The following NRL variants were observed in gnomAD, a reference collection of about 807,000 sequenced individuals.
The protein encoded by NRL is neural retina-specific leucine zipper protein.
In NRL, 16 loss-of-function variants were observed where a neutral mutation model predicts 12.5. The observed-to-expected ratio is 1.28, with a 90% CI of 0.87 to 1.95. The LOEUF is 1.95. Among genes scored for constraint, NRL ranks in the 30% most tolerant of loss-of-function variants. The pLI is 0.00. For synonymous variants in NRL, 142 were observed against 150.9 expected (o/e 0.94, Z 0.43); for missense variants, 314 against 325.8 (o/e 0.96, Z 0.28).
At chr14:24,113,578 G>C (rs970167217) in intron 1 of NRL, among the ~76,000 whole-genome samples, 3 of 152,214 alleles carry the variant, frequency 2.0e-5, no homozygotes, top group Non-Finnish European at 4.4e-5. Flanking sequence ...CAGTGGAGCC[G>C]AGTGCAAGAT....
rs910569251 is a variant in NRL, at chr14:24,105,006, G to A, written c.-28+9716C>T. Among the ~76,000 whole-genome samples the A allele has an allele frequency of 2.6e-5, 4 of 152,174 alleles. No homozygotes were observed. The South Asian group carries it at 8.3e-4, about 32-fold the overall frequency. Reference sequence around the variant, plus strand: ...CACAGAAATATAGAGGTGTGGAGTGGGAAATCAGGGGTCTCACAGCCTTCA... The same window carrying A: ...CACAGAAATATAGAGGTGTGGAGTGAGAAATCAGGGGTCTCACAGCCTTCA... On this transcript the variant is annotated intron_variant, in intron 1 of 2. Coordinates refer to ENST00000561028, the MANE Select transcript of NRL (RefSeq NM_001354768.3).
Position 24,094,658 on chromosome 14 carries a change from C to G in NRL, c.-27-11783G>C. 2.0e-6 allele frequency: 3 copies of G among 1,504,250 alleles called. No individual in the cohort carries two copies. Among genetic ancestry groups the G allele is most frequent in the Admixed American group, 2.0e-5 (1 of 48,976 alleles). The allele number at this position is 1,504,250 out of a possible 1,614,324, so 93.2% of individuals were successfully genotyped here. A position where few individuals can be genotyped will look rare whatever the true frequency, so the allele number is the denominator to read the frequency against. On this transcript the variant is annotated intron_variant, in intron 1 of 2. Transcript: ENST00000561028. This position sits in a 1 kb window ranked among gnomAD's most constrained non-coding sequence, Gnocchi z 4.1. ...CGCCTGCACCTCCCCTTCTCTGCCT[C>G]GCTCGCCTCTGACCGCGCGATCTCT...
chr14:24,100,132 G>T (rs1413755903), intron 1 of NRL: 1 of 1,613,716 alleles, frequency 6.2e-7, no homozygotes, highest in Admixed American at 1.7e-5. Context: ...CAGTGATGGT[G>T]GCGTGTACTG....
chr14:24,099,737 T>C (rs767840601), intron 1 of NRL: 2 of 1,609,230 alleles, frequency 1.2e-6, no homozygotes, highest in Admixed American at 1.7e-5. Flanking sequence ...GACTCTCAGA[T>C]CATACTCTTG....
chr14:24,102,657 A>G, intron 1 of NRL: 1 of 1,140,194 alleles, frequency 8.8e-7, no homozygotes, highest in African/African-American at 1.6e-5. Flanking sequence ...GAGGCAAAAA[A>G]AAAAAAAGAA....
chr14:24,106,421 G>T (rs1205712530), intron 1 of NRL, among the ~76,000 whole-genome samples: 1 of 152,176 alleles, frequency 6.6e-6, no homozygotes, highest in Admixed American at 6.5e-5. Context: ...AACAAAGTTA[G>T]CAGTGGAGTA....
At position 24,102,626 on chromosome 14, in the gene NRL, A is replaced by G. The variant is rs2037205385; in HGVS notation, c.-28+12096T>C. The G allele has an allele frequency of 4.0e-6, 3 of 751,270 alleles. No individual in the cohort carries two copies. In the Admixed American group the frequency reaches 7.1e-5, roughly 18 times the overall value. The allele number at this position is 751,270 out of a possible 1,614,324, so 46.5% of individuals were successfully genotyped here. ...CTCCCCTCTCTCTGCTCCTTATCAC[A>G]CAAGGTTCTAGGCAGCTGATGAGGC... On this transcript the variant is annotated intron_variant, in intron 1 of 2. Coordinates refer to ENST00000561028, the MANE Select transcript of NRL (RefSeq NM_001354768.3).
intron 1 of NRL, among the ~76,000 whole-genome samples, chr14:24,084,962 G>A (rs1450623200): frequency 1.3e-5 from 2 of 152,084 alleles, no homozygotes; most frequent in Non-Finnish European, 2.9e-5. Context: ...TGGAAAAAGA[G>A]GACCAGACAA....
Position 24,079,249 on chromosome 14 carries a change from C to T in NRL, c.*1987G>A, listed in dbSNP as rs2036206248. Reference sequence around the variant, plus strand: ...GTTCTGTCTGTCTTTGTGTGCCATGCAGGTGAGAAAAGTGAACAAGAAAAG... The same window carrying T: ...GTTCTGTCTGTCTTTGTGTGCCATGTAGGTGAGAAAAGTGAACAAGAAAAG... On this transcript the variant is annotated 3_prime_UTR_variant, in exon 3 of 3. Transcript: ENST00000561028. 1.3e-5 allele frequency among the ~76,000 whole-genome samples: 2 copies of T among 152,110 alleles called. No individual in the cohort carries two copies. Among genetic ancestry groups the T allele is most frequent in the Admixed American group, 1.3e-4 (2 of 15,268 alleles).
intron 1 of NRL, chr14:24,103,789 A>C (rs780916962): frequency 1.9e-6 from 3 of 1,613,992 alleles, no homozygotes; most frequent in Admixed American, 3.3e-5. Flanking sequence ...GGAGCCTTGG[A>C]TCTCAGCGGC....
rs1435373892 is a variant in NRL at position 24,081,845 on chromosome 14, G to C, written c.382-277C>G. 1 of 1,399,578 alleles carries C rather than the reference G, an allele frequency of 7.1e-7. No individual in the cohort carries two copies. The highest frequency in any genetic ancestry group is 9.3e-7 in the Non-Finnish European group (1 of 1,077,350). The allele number at this position is 1,399,578 out of a possible 1,614,324, so 86.7% of individuals were successfully genotyped here. A position where few individuals can be genotyped will look rare whatever the true frequency, so the allele number is the denominator to read the frequency against. ...CGAGCCCGTCGCGCACCTAAACCCC[G>C]GGCTCGTCTCTGGGATCCCCGGCAT... On this transcript the variant is annotated intron_variant, in intron 2 of 2. Transcript: ENST00000561028. This position sits in a 1 kb window ranked among gnomAD's most constrained non-coding sequence, Gnocchi z 4.4.
chr14:24,107,001 A>G (rs1437630206), intron 1 of NRL, among the ~76,000 whole-genome samples: 1 of 152,204 alleles, frequency 6.6e-6, no homozygotes, highest in Admixed American at 6.5e-5. Flanking sequence ...CATTTAATAC[A>G]TGTTAGCTAT....
intron 1 of NRL, chr14:24,103,561 A>G (rs2037255100): frequency 6.3e-7 from 1 of 1,577,044 alleles, no homozygotes; most frequent in South Asian, 1.2e-5. Flanking sequence ...TTTGGCTACA[A>G]CTTCGGGCAC....
At position 24,081,977 on chromosome 14, in the gene NRL, C is replaced by A; in HGVS notation, c.382-409G>T. The A allele has an allele frequency of 8.2e-7, 1 of 1,219,424 alleles. No individual in the cohort carries two copies. The highest frequency in any genetic ancestry group is 1.0e-6 in the Non-Finnish European group (1 of 967,138). The allele number at this position is 1,219,424 out of a possible 1,614,324, so 75.5% of individuals were successfully genotyped here. A position where few individuals can be genotyped will look rare whatever the true frequency, so the allele number is the denominator to read the frequency against. ...GAAGCCTGCAACCCGGTGACCCTCA[C>A]AGGATTTGGATTACATCCTAATGCC... On this transcript the variant is annotated intron_variant, in intron 2 of 2. Transcript: ENST00000561028. The surrounding 1 kb of genome is among the most constrained non-coding windows in gnomAD (Gnocchi z 4.4).
Position 24,088,035 on chromosome 14 carries a change from A to T in NRL, c.-27-5160T>A, listed in dbSNP as rs189969772. Among the ~76,000 whole-genome samples, 382 of 152,252 alleles carry T rather than the reference A, an allele frequency of 2.5e-3. 3 individuals are homozygous for T. Among genetic ancestry groups the T allele is most frequent in the African/African-American group, 8.5e-3 (355 of 41,548 alleles). ...AGAAAGAAACCCTGTCTCAAAAAAA[A>T]AATAATAAATAAATTATTGTCCTTA... On this transcript the variant is annotated intron_variant, in intron 1 of 2. Transcript: ENST00000561028.
intron 1 of NRL, among the ~76,000 whole-genome samples, chr14:24,108,577 C>G (rs1320468489): frequency 2.0e-5 from 3 of 151,750 alleles, no homozygotes; most frequent in Non-Finnish European, 4.4e-5. Context: ...AGCAATCCAC[C>G]TGCCTCAGCC....
chr14:24,098,259 T>A, intron 1 of NRL: 1 of 1,614,032 alleles, frequency 6.2e-7, no homozygotes, highest in Non-Finnish European at 8.5e-7. Flanking sequence ...AAGACGGTGA[T>A]TGTAACTCCT....
chr14:24,097,849 C>T (rs1367351724), intron 1 of NRL, among the ~76,000 whole-genome samples: 1 of 152,180 alleles, frequency 6.6e-6, no homozygotes, highest in Admixed American at 6.5e-5. Context: ...CCACCTCAGC[C>T]TCCCAAAGTG....
At position 24,097,135 on chromosome 14, in the gene NRL, C is replaced by A. The variant is rs150238269; in HGVS notation, c.-27-14260G>T. On this transcript the variant is annotated intron_variant, in intron 1 of 2. Coordinates refer to ENST00000561028, the MANE Select transcript of NRL (RefSeq NM_001354768.3). ...TCCGAAAGCTCCCCAAGTACAATAA[C>A]TGGTAAGCCTTGGGCTCCACAACCT... 1.0e-4 allele frequency: 165 copies of A among 1,613,728 alleles called. No homozygotes were observed. In the African/African-American group the frequency reaches 2.0e-3, roughly 19 times the overall value.
Sources: gnomAD v4.1 joint callset for allele counts (sites outside exome capture counted in the v4.1 genomes callset) on GRCh38, gnomAD v4.1.1 for gene constraint, Gnocchi (gnomAD v3.1) non-coding constraint, MANE v1.5 for transcripts, NCBI Gene and HGNC (gene_info 2026-07-23, HGNC 2026-07-21) for gene names.